APP: variants seen among roughly 807,000 people sequenced by gnomAD.
The protein encoded by APP is amyloid-beta precursor protein.
In APP, 31 loss-of-function variants were observed where a neutral mutation model predicts 101.4. That is an observed-to-expected ratio of 0.31 (90% CI 0.23 to 0.41). APP has a LOEUF of 0.41. Among genes scored for constraint, APP ranks in the 10% least tolerant of loss-of-function variants. APP has a pLI of 1.00. For synonymous variants in APP, 366 were observed against 364.4 expected, an observed-to-expected ratio of 1.00 and a Z score of -0.05; for missense variants, 839 against 1,003.7, an observed-to-expected ratio of 0.84 and a Z score of 2.22.
At chr21:25,934,946 A>AGAAGAT (rs1341076412) in intron 13 of APP, 1 of 152,214 alleles carries the variant, frequency 6.6e-6, no homozygotes, top group African/African-American at 2.4e-5. Context: ...TGGCTGCATG[A>AGAAGAT]CTTATCCTGA....
intron 1 of APP, chr21:26,158,397 T>A (rs1053030872): frequency 1.3e-5 from 2 of 152,252 alleles, no homozygotes; most frequent in Admixed American, 1.3e-4. Context: ...AGAATGCCAG[T>A]TGCCACTCAA....
chr21:25,936,420 G>A (rs908812248), intron 13 of APP, among the ~76,000 whole-genome samples: 3 of 152,208 alleles, frequency 2.0e-5, no homozygotes, highest in Non-Finnish European at 2.9e-5. Context: ...AGGCATGCCT[G>A]TAATCTCAGC....
chr21:26,143,600 G>T (rs571959569), intron 1 of APP, among the ~76,000 whole-genome samples: 1 of 152,220 alleles, frequency 6.6e-6, no homozygotes, highest in South Asian at 2.1e-4. Flanking sequence ...TCTCGCAGAC[G>T]TTTTCAAGTG....
intron 1 of APP, among the ~76,000 whole-genome samples, chr21:26,167,872 TATC>T (rs1425580441): frequency 6.6e-6 from 1 of 152,180 alleles, no homozygotes; most frequent in African/African-American, 2.4e-5. Context: ...GTCTGCCAGT[TATC>T]ATGGTTTCTC....
At chr21:26,049,492 A>T (rs2045747522) in intron 5 of APP, among the ~76,000 whole-genome samples, 2 of 152,164 alleles carry the variant, frequency 1.3e-5, no homozygotes, top group South Asian at 4.1e-4. Flanking sequence ...GGGGAAGATG[A>T]TAGGTCATCA....
chr21:25,997,407 C>G lies in APP; in HGVS notation c.1043G>C (p.Ser348Thr). 6.2e-7 allele frequency: 1 copy of G among 1,613,008 alleles called. No individual in the cohort carries two copies. The highest frequency in any genetic ancestry group is 8.5e-7 in the Non-Finnish European group (1 of 1,179,062). ...AGGTTCCTGGGTAGTCTTGAGTAAACTTTGGGACACTATGGAAAAAATAAG... is the reference window on the plus strand; with the variant it reads ...AGGTTCCTGGGTAGTCTTGAGTAAAGTTTGGGACACTATGGAAAAAATAAG... Reference protein sequence around the residue: ...MAVCGSAMSQSLLKTTQEPLA... With the variant: ...MAVCGSAMSQTLLKTTQEPLA... The change falls in exon 8 of 18, where the codon AGT becomes ACT. Residue 348 changes from serine (S) to threonine (T), a missense_variant. Transcript: ENST00000346798.
chr21:25,927,343 G>GC (rs989714545), intron 13 of APP, among the ~76,000 whole-genome samples: 7 of 136 alleles, frequency 0.051, no homozygotes, highest in Admixed American at 0.14. Context: ...TGAATGGCCA[G>GC]AAGTTTCACC....
intron 13 of APP, among the ~76,000 whole-genome samples, chr21:25,952,223 C>CACAT (rs2041115568): frequency 6.6e-6 from 1 of 151,218 alleles, no homozygotes; most frequent in Non-Finnish European, 1.5e-5. Context: ...CACACACACA[C>CACAT]ACATTAAGAG....
At chr21:25,986,666 C>T (rs1400068340) in intron 8 of APP, among the ~76,000 whole-genome samples, 1 of 152,192 alleles carries the variant, frequency 6.6e-6, no homozygotes, top group Non-Finnish European at 1.5e-5. Flanking sequence ...TGCCAGTGCA[C>T]CCCAGTCTGG....
chr21:25,954,736 G>T, intron 12 of APP, 47 bp from the exon 13 acceptor site: 1 of 1,484,718 alleles, frequency 6.7e-7, no homozygotes, highest in Non-Finnish European at 9.4e-7. Flanking sequence ...CTGGGGGTAG[G>T]AATGGTTCTT....
rs1569061856 is a variant in APP, at chr21:25,924,430, A to AAAAG, written c.1688-12469_1688-12468insCTTT. On this transcript the variant is annotated intron_variant, in intron 13 of 17. Transcript: ENST00000346798. Reference sequence around the variant, plus strand: ...CAAATACAAAAAAAAAAAAAAAAGGAAAAAAAAAAAGGTTGAGTTCATGTC... The same window carrying AAAAG: ...CAAATACAAAAAAAAAAAAAAAAGGAAAAGAAAAAAAAAAGGTTGAGTTCATGTC... 7.0e-4 allele frequency among the ~76,000 whole-genome samples: 59 copies of AAAAG among 84,676 alleles called. 3 individuals are homozygous for AAAAG. Among genetic ancestry groups the AAAAG allele is most frequent in the Non-Finnish European group, 1.2e-3 (47 of 40,758 alleles). The allele number at this position is 84,676 out of a possible 152,430, so 55.6% of individuals were successfully genotyped here.
At chr21:25,969,347 C>CAAAAAA (rs60834302) in intron 11 of APP, among the ~76,000 whole-genome samples, 2 of 55,652 alleles carry the variant, frequency 3.6e-5, no homozygotes, top group African/African-American at 5.6e-5. Flanking sequence ...GACTCTGTCT[C>CAAAAAA]AAAAAAAAAA....
Position 25,997,405 on chromosome 21 carries a change from A to C in APP, c.1045T>G (p.Leu349Val). Residue 349 changes from leucine to valine, a missense_variant, in exon 8 of 18, where the codon TTA becomes GTA. By Grantham distance (32) the Leu-to-Val change is conservative. Transcript: ENST00000346798. The stretch of plus-strand genomic sequence containing the variant: ...AGAGGTTCCTGGGTAGTCTTGAGTA[A>C]ACTTTGGGACACTATGGAAAAAATA... ...AVCGSAMSQS[L>V]LKTTQEPLAR... is the part of the protein sequence containing the mutation. The C allele has an allele frequency of 6.2e-7, 1 of 1,613,370 alleles. No individual in the cohort carries two copies.
chr21:25,999,956 AGC>A, intron 7 of APP, 57 bp downstream of exon 7: 1 of 1,577,064 alleles, frequency 6.3e-7, no homozygotes, highest in Non-Finnish European at 8.7e-7. Context: ...TGTTACAAAA[AGC>A]AGAGTCAGTG....
chr21:25,880,552 C>T lies in APP; in HGVS notation c.*1118G>A, dbSNP rs112973660. The T allele has an allele frequency of 6.6e-6, 1 of 152,190 alleles. No homozygotes were observed. Among genetic ancestry groups the T allele is most frequent in the Non-Finnish European group, 1.5e-5 (1 of 68,022 alleles). 9.4% of individuals were successfully genotyped at this position (152,190 alleles called of 1,614,324 possible). A position where few individuals can be genotyped will look rare whatever the true frequency, so the allele number is the denominator to read the frequency against. ...AATCATTCACACCAGCACAATGGTG[C>T]TCCTCCAAGAATGTATTTATTTACA... On this transcript the variant is annotated 3_prime_UTR_variant, in exon 18 of 18. Coordinates refer to ENST00000346798, the MANE Select transcript of APP (RefSeq NM_000484.4).
chr21:25,994,897 T>G (rs765834304), intron 8 of APP, among the ~76,000 whole-genome samples: 1 of 152,228 alleles, frequency 6.6e-6, no homozygotes, highest in Non-Finnish European at 1.5e-5. Context: ...TTATATGTTT[T>G]TTTCCTTGTC....
In APP at chr21:26,170,728, G is replaced by GC. The variant is rs1468683420; in HGVS notation, c.-109dup. The GC allele has an allele frequency of 8.5e-7, 1 of 1,181,954 alleles. No individual in the cohort carries two copies. Among genetic ancestry groups the GC allele is most frequent in the Non-Finnish European group, 1.1e-6 (1 of 888,698 alleles). 73.2% of individuals were successfully genotyped at this position (1,181,954 alleles called of 1,614,324 possible). ...GCCGTCTCCCGGGGCCCCCGCGCACGCTCCTCCGCGTGCTCTCGCCTACCG... is the reference window on the plus strand; with the variant it reads ...GCCGTCTCCCGGGGCCCCCGCGCACGCCTCCTCCGCGTGCTCTCGCCTACCG... On this transcript the variant is annotated 5_prime_UTR_variant, in exon 1 of 18. Transcript: ENST00000346798.
chr21:25,989,152 T>C (rs1198241323), intron 8 of APP, among the ~76,000 whole-genome samples: 1 of 152,196 alleles, frequency 6.6e-6, no homozygotes, highest in Non-Finnish European at 1.5e-5. Context: ...CTGTTAGCAT[T>C]TGAAGGGAAG....
At chr21:26,020,332 GA>G (rs2044282763) in intron 6 of APP, among the ~76,000 whole-genome samples, 1 of 152,126 alleles carries the variant, frequency 6.6e-6, no homozygotes, top group Non-Finnish European at 1.5e-5. Flanking sequence ...CTGGAGTGAC[GA>G]AAATGTTCTA....
Sources: allele counts gnomAD v4.1 joint callset (sites outside exome capture counted in the v4.1 genomes callset), GRCh38; gene constraint gnomAD v4.1.1; transcripts MANE v1.5; gene names NCBI Gene and HGNC (gene_info 2026-07-23, HGNC 2026-07-21).